The following PSMC3 variants were observed in gnomAD, a reference collection of about 807,000 sequenced individuals.
PSMC3 encodes 26S proteasome regulatory subunit 6A.
PSMC3 carries 11 observed loss-of-function variants against 52.0 expected under a neutral mutation model. The observed-to-expected ratio is 0.21, with a 90% CI of 0.13 to 0.35. The LOEUF (loss-of-function observed/expected upper bound fraction) is 0.35. Among genes scored for constraint, PSMC3 ranks in the 10% least tolerant of loss-of-function variants. The pLI is 1.00. For synonymous variants in PSMC3, 201 were observed against 218.8 expected (o/e 0.92, Z 0.72); for missense variants, 238 against 567.1 (o/e 0.42, Z 5.89).
At chr11:47,419,257 A>C (rs748133775) in intron 10 of PSMC3, 60 bp from the exon 11 acceptor site, 25 of 1,564,596 alleles carry the variant, frequency 1.6e-5, no homozygotes, top group Non-Finnish European at 2.2e-5. Context: ...AGAGGGGCCA[A>C]ATATCCTCCC....
chr11:47,425,095 C>T, intron 3 of PSMC3, 26 bp downstream of exon 3: 1 of 1,613,872 alleles, frequency 6.2e-7, no homozygotes, highest in Non-Finnish European at 8.5e-7. Context: ...CTGACTCCCT[C>T]TCTTCCCCTC....
In PSMC3 at chr11:47,424,840, G is replaced by T; in HGVS notation, c.286-129C>A. 2.2e-6 allele frequency: 2 copies of T among 898,326 alleles called. No homozygotes were observed. The highest frequency in any genetic ancestry group is 2.1e-5 in the Admixed American group (1 of 48,588). 55.6% of individuals were successfully genotyped at this position (898,326 alleles called of 1,614,324 possible). On this transcript the variant is annotated intron_variant, in intron 3 of 11. Coordinates refer to ENST00000298852, the MANE Select transcript of PSMC3 (RefSeq NM_002804.5). The surrounding 1 kb of genome is among the most constrained non-coding windows in gnomAD (Gnocchi z 4.8). ...CAATAGCCCTGAGCCCACCAAACGT[G>T]GGTGCCCCTGCTAAGCCCAGGGATT...
chr11:47,419,953 G>A (rs1001559799), intron 10 of PSMC3, among the ~76,000 whole-genome samples: 20 of 152,122 alleles, frequency 1.3e-4, no homozygotes, highest in Admixed American at 3.3e-4. Context: ...TCTGGTCCCG[G>A]CCATTCCTGG....
chr11:47,418,996 T>C, intron 11 of PSMC3, 51 bp from the exon 12 acceptor site: 1 of 1,608,452 alleles, frequency 6.2e-7, no homozygotes, highest in Non-Finnish European at 8.5e-7. Context: ...ATGCCTTCCC[T>C]GGCTCCCTGA....
intron 10 of PSMC3, 102 bp downstream of exon 10, chr11:47,420,162 T>C: frequency 5.8e-6 from 8 of 1,373,472 alleles, no homozygotes; most frequent in Non-Finnish European, 8.2e-6. Flanking sequence ...GCCTGGGAGG[T>C]GGTGGTCGTG....
At chr11:47,420,481 G>A in intron 9 of PSMC3, 72 bp from the exon 10 acceptor site, 1 of 1,564,374 alleles carries the variant, frequency 6.4e-7, no homozygotes, top group Non-Finnish European at 8.7e-7. Context: ...AAAAAAGGCA[G>A]AGAGGCAGCC....
intron 8 of PSMC3, 119 bp from the exon 9 acceptor site, chr11:47,420,846 T>C (rs893547580): frequency 1.2e-6 from 1 of 834,270 alleles, no homozygotes; most frequent in African/African-American, 1.7e-5. Flanking sequence ...CTCACTCAAC[T>C]TGGGGCCCCC....
Position 47,422,475 on chromosome 11 carries a change from A to C in PSMC3, c.884+99T>G, listed in dbSNP as rs1448934289. Reference sequence around the variant, plus strand: ...AGCCACCATCCAGGGGCAGGAGGGGATACAGGGTGGGAAGGAACCACAATT... The same window carrying C: ...AGCCACCATCCAGGGGCAGGAGGGGCTACAGGGTGGGAAGGAACCACAATT... On this transcript the variant is annotated intron_variant, in intron 8 of 11. Coordinates refer to ENST00000298852, the MANE Select transcript of PSMC3 (RefSeq NM_002804.5). The surrounding 1 kb of genome is among the most constrained non-coding windows in gnomAD (Gnocchi z 4.3). 8.3e-6 allele frequency: 12 copies of C among 1,440,330 alleles called. No homozygotes were observed. Among genetic ancestry groups the C allele is most frequent in the Non-Finnish European group, 1.1e-5 (12 of 1,050,906 alleles). 89.2% of individuals were successfully genotyped at this position (1,440,330 alleles called of 1,614,324 possible).
chr11:47,424,249 C>T lies in PSMC3; in HGVS notation c.454-66G>A. On this transcript the variant is annotated intron_variant, in intron 5 of 11. Coordinates refer to ENST00000298852, the MANE Select transcript of PSMC3 (RefSeq NM_002804.5). This position sits in a 1 kb window ranked among gnomAD's most constrained non-coding sequence, Gnocchi z 4.8. Reference sequence around the variant, plus strand: ...AAGGGCTACCCAACTGACTGGGTGACAGGTGTCTGCAGAGGGAAAGACACA... The same window carrying T: ...AAGGGCTACCCAACTGACTGGGTGATAGGTGTCTGCAGAGGGAAAGACACA... The T allele has an allele frequency of 6.2e-7, 1 of 1,607,122 alleles. No homozygotes were observed. The highest frequency in any genetic ancestry group is 8.5e-7 in the Non-Finnish European group (1 of 1,173,824).
At chr11:47,423,002 A>G (rs1455623288) in intron 6 of PSMC3, 29 bp from the exon 7 acceptor site, 4 of 1,589,206 alleles carry the variant, frequency 2.5e-6, no homozygotes, top group Non-Finnish European at 3.4e-6. Flanking sequence ...GGGTGAGGAG[A>G]TGAAGCCCTG....
Position 47,424,813 on chromosome 11 carries a change from T to C in PSMC3, c.286-102A>G. On this transcript the variant is annotated intron_variant, in intron 3 of 11. Coordinates refer to ENST00000298852, the MANE Select transcript of PSMC3 (RefSeq NM_002804.5). The surrounding 1 kb of genome is among the most constrained non-coding windows in gnomAD (Gnocchi z 4.8). The stretch of plus-strand genomic sequence containing the variant: ...GGGCTGGCCATCCTTACCTCCCTCC[T>C]CCAATAGCCCTGAGCCCACCAAACG... 1 of 1,071,708 alleles carries C rather than the reference T, an allele frequency of 9.3e-7. No homozygotes were observed. Among genetic ancestry groups the C allele is most frequent in the Non-Finnish European group, 1.4e-6 (1 of 707,454 alleles). The allele number at this position is 1,071,708 out of a possible 1,614,324, so 66.4% of individuals were successfully genotyped here.
Position 47,426,193 on chromosome 11 carries a change from C to T in PSMC3, c.75+12G>A, listed in dbSNP as rs1325856843. On this transcript the variant is annotated intron_variant, in intron 1 of 11. Transcript: ENST00000298852. ...CCCCGGTTCCCGGACCGCCAGCTCG[C>T]CCGGTGCCCACCTCGGCCTCATCCC... The T allele has an allele frequency of 7.1e-6, 11 of 1,555,750 alleles. No individual in the cohort carries two copies. The South Asian group carries it at 1.2e-4, about 17-fold the overall frequency.
rs762159565 is a variant in PSMC3, at chr11:47,418,962, CAG to C, written c.1210-19_1210-18del. On this transcript the variant is annotated intron_variant, in intron 11 of 11. Coordinates refer to ENST00000298852, the MANE Select transcript of PSMC3 (RefSeq NM_002804.5). The stretch of plus-strand genomic sequence containing the variant: ...GATCATGCCCTACAGCCGGGACAAA[CAG>C]AGTCTAGGTCTGAACGCCTGAATGC... The C allele has an allele frequency of 5.6e-6, 9 of 1,613,636 alleles. No homozygotes were observed. In the African/African-American group the frequency reaches 1.1e-4, roughly 19 times the overall value.
At chr11:47,423,404 CAAA>C (rs773723021) in intron 6 of PSMC3, among the ~76,000 whole-genome samples, 5 of 115,798 alleles carry the variant, frequency 4.3e-5, no homozygotes, top group Admixed American at 9.0e-5. Context: ...GACTCCGTCA[CAAA>C]AAAAAAAAAA....
Position 47,422,464 on chromosome 11 carries a change from G to C in PSMC3, c.884+110C>G. On this transcript the variant is annotated intron_variant, in intron 8 of 11. Coordinates refer to ENST00000298852, the MANE Select transcript of PSMC3 (RefSeq NM_002804.5). This position sits in a 1 kb window ranked among gnomAD's most constrained non-coding sequence, Gnocchi z 4.3. ...AAGAGTTGAGGAGCCACCATCCAGG[G>C]GCAGGAGGGGATACAGGGTGGGAAG... 1 of 1,339,348 alleles carries C rather than the reference G, an allele frequency of 7.5e-7. No individual in the cohort carries two copies. The highest frequency in any genetic ancestry group is 1.0e-6 in the Non-Finnish European group (1 of 967,064). 83.0% of individuals were successfully genotyped at this position (1,339,348 alleles called of 1,614,324 possible).
intron 8 of PSMC3, among the ~76,000 whole-genome samples, 194 bp from the exon 9 acceptor site, chr11:47,420,921 T>TG (rs2096039721): frequency 6.6e-6 from 1 of 152,144 alleles, no homozygotes; most frequent in African/African-American, 2.4e-5. Context: ...CTGAAGAGAC[T>TG]CCTAGAATCA....
intron 3 of PSMC3, 38 bp downstream of exon 3, chr11:47,425,083 T>G (rs201396602): frequency 1.2e-5 from 19 of 1,613,242 alleles, no homozygotes; most frequent in Non-Finnish European, 1.5e-5. Flanking sequence ...CCCCATTCCC[T>G]GCTGACTCCC....
chr11:47,423,978 G>A, intron 6 of PSMC3, 68 bp downstream of exon 6: 2 of 1,605,048 alleles, frequency 1.2e-6, no homozygotes, highest in African/African-American at 2.7e-5. Flanking sequence ...AGGGAGATGA[G>A]CTGCATCAAT....
intron 2 of PSMC3, chr11:47,425,560 G>T: frequency 1.9e-6 from 1 of 540,216 alleles, no homozygotes; most frequent in Non-Finnish European, 3.3e-6. Context: ...ACCTCTCTGG[G>T]CCTGTCTCCT....
Sources: allele counts gnomAD v4.1 joint callset (sites outside exome capture counted in the v4.1 genomes callset), GRCh38; gene constraint gnomAD v4.1.1; non-coding constraint Gnocchi (gnomAD v3.1); transcripts MANE v1.5; gene names NCBI Gene and HGNC (gene_info 2026-07-23, HGNC 2026-07-21).